The following GABRR3 variants were observed in gnomAD, a reference collection of about 807,000 sequenced individuals.
The protein encoded by GABRR3 is gamma-aminobutyric acid type A receptor subunit rho3.
GABRR3 carries 29 observed loss-of-function variants against 43.2 expected under a neutral mutation model. That is an observed-to-expected ratio of 0.67 (90% CI 0.50 to 0.92). The LOEUF (loss-of-function observed/expected upper bound fraction) is 0.92, where lower values mean the gene tolerates loss of function less well. Among genes scored for constraint, GABRR3 ranks in the 40% least tolerant of loss-of-function variants. The pLI is 0.00. For synonymous variants in GABRR3, 206 were observed against 195.9 expected (o/e 1.05, Z -0.43); for missense variants, 576 against 572.3 (o/e 1.01, Z -0.07).
At chr3:98,013,317 C>T (rs1706831707) in intron 4 of GABRR3, among the ~76,000 whole-genome samples, 1 of 152,124 alleles carries the variant, frequency 6.6e-6, no homozygotes, top group Non-Finnish European at 1.5e-5. Context: ...GAGGAAAAAA[C>T]TGTACTAGCA....
At chr3:98,019,070 C>A (rs9289505) in intron 3 of GABRR3, among the ~76,000 whole-genome samples, 117,051 of 151,152 alleles carry the variant, frequency 0.77, 45,734 homozygotes, top group East Asian at 0.99. Flanking sequence ...AGATGGCGCC[C>A]CTGCACTCCA....
chr3:98,021,383 T>C (rs1461203680), intron 3 of GABRR3, among the ~76,000 whole-genome samples: 3 of 152,194 alleles, frequency 2.0e-5, no homozygotes, highest in East Asian at 3.8e-4. Flanking sequence ...CAATAAAGCA[T>C]ATGGATTCAA....
chr3:98,007,002 GC>G (rs1316172456), intron 7 of GABRR3, among the ~76,000 whole-genome samples: 1 of 152,120 alleles, frequency 6.6e-6, no homozygotes, highest in Non-Finnish European at 1.5e-5. Flanking sequence ...TCTGTCACGT[GC>G]CAAGAACATT....
intron 7 of GABRR3, among the ~76,000 whole-genome samples, chr3:98,003,720 C>T (rs1056310128): frequency 6.6e-6 from 1 of 152,102 alleles, no homozygotes; most frequent in Non-Finnish European, 1.5e-5. Context: ...CTTTTTGGCA[C>T]CTGTGAAAAG....
intron 3 of GABRR3, among the ~76,000 whole-genome samples, chr3:98,019,429 G>C (rs971967769): frequency 6.6e-6 from 1 of 152,006 alleles, no homozygotes; most frequent in Admixed American, 6.6e-5. Context: ...CATGCCCTCG[G>C]TATCATTTTT....
At chr3:97,989,026 T>C (rs1394767392) in intron 9 of GABRR3, among the ~76,000 whole-genome samples, 4 of 137,056 alleles carry the variant, frequency 2.9e-5, no homozygotes, top group Admixed American at 7.2e-5. Flanking sequence ...GGTGCGGGTA[T>C]ATGGTAGTGG....
At chr3:98,035,266 G>A (rs1707137712) in exon 1 of GABRR3, 13 of 380,642 alleles carry the variant, frequency 3.4e-5, no homozygotes, top group South Asian at 3.4e-4. Context: ...CCCTTTTTCC[G>A]GGGAAGGTTT....
At chr3:98,029,746 T>C (rs1210228848) in intron 2 of GABRR3, among the ~76,000 whole-genome samples, 3 of 152,126 alleles carry the variant, frequency 2.0e-5, no homozygotes, top group Non-Finnish European at 4.4e-5. Flanking sequence ...GTGATACCAA[T>C]TGAAGCCATA....
downstream of GABRR3, chr3:97,986,680 C>T: frequency 1.3e-6 from 2 of 1,498,146 alleles, no homozygotes; most frequent in Non-Finnish European, 1.8e-6. Context: ...TTGAAATTCC[C>T]CTTCATACAT....
At chr3:98,014,456 A>G (rs1305711055) in intron 4 of GABRR3, among the ~76,000 whole-genome samples, 3 of 152,216 alleles carry the variant, frequency 2.0e-5, no homozygotes, top group Non-Finnish European at 4.4e-5. Context: ...AGGCTTGGGG[A>G]AGTATCAGTA....
rs542263151 is a variant in GABRR3, at chr3:98,021,179, G to T, written c.239-3457C>A. Among the ~76,000 whole-genome samples, 80 of 152,046 alleles carry T rather than the reference G, an allele frequency of 5.3e-4. 1 individual carries two copies. Among genetic ancestry groups the T allele is most frequent in the Non-Finnish European group, 9.7e-4 (66 of 67,946 alleles). On this transcript the variant is annotated intron_variant, in intron 3 of 9. Coordinates refer to ENST00000621172, the Ensembl canonical transcript of GABRR3. ...TGCACCAGGCCGTCATTTCTGCCTG[G>T]TTTGAGCTCCATGTCCCACTGCACC...
At chr3:97,999,766 A>C (rs1273544118) in intron 8 of GABRR3, 1 of 152,146 alleles carries the variant, frequency 6.6e-6, no homozygotes, top group African/African-American at 2.4e-5. Context: ...TTTAATTCTC[A>C]TAGTGACCTT....
intron 2 of GABRR3, among the ~76,000 whole-genome samples, chr3:98,032,912 A>G (rs1267263254): frequency 1.3e-5 from 2 of 152,174 alleles, no homozygotes; most frequent in African/African-American, 2.4e-5. Flanking sequence ...TTGGCTGATA[A>G]TCAGGTCGGG....
rs1706692507 is a variant in GABRR3, at chr3:98,004,155, T to C, written c.755-2388A>G. 4.6e-5 allele frequency among the ~76,000 whole-genome samples: 7 copies of C among 152,276 alleles called. 1 individual carries two copies. In the South Asian group the frequency reaches 1.2e-3, roughly 27 times the overall value. ...TATACCTAGAGACAGTCACCTTCAA[T>C]GGCCCTTTGAAAGTAGGCCTTAATA... On this transcript the variant is annotated intron_variant, in intron 7 of 9. Coordinates refer to ENST00000621172, the Ensembl canonical transcript of GABRR3.
chr3:98,001,317 G>A, intron 8 of GABRR3: 1 of 320,730 alleles, frequency 3.1e-6, no homozygotes, highest in South Asian at 6.5e-5. Context: ...AAAGAAAAGA[G>A]ATAAGCTTTA....
At chr3:97,990,263 G>C (rs907938737) in intron 9 of GABRR3, among the ~76,000 whole-genome samples, 1 of 152,150 alleles carries the variant, frequency 6.6e-6, no homozygotes, top group Non-Finnish European at 1.5e-5. Flanking sequence ...TGACACCACT[G>C]TGGAAACACA....
At chr3:98,013,473 T>C (rs922587557) in intron 4 of GABRR3, among the ~76,000 whole-genome samples, 1 of 152,236 alleles carries the variant, frequency 6.6e-6, no homozygotes, top group Non-Finnish European at 1.5e-5. Flanking sequence ...TCTTACTTCC[T>C]ACTATTTTGC....
At chr3:97,986,804 A>G (rs746377949) in exon 10 of GABRR3, 3 of 1,612,040 alleles carry the variant, frequency 1.9e-6, no homozygotes, top group African/African-American at 1.3e-5. Context: ...ATGTCCTCCT[A>G]GGGATTTTCT....
intron 8 of GABRR3, among the ~76,000 whole-genome samples, chr3:97,997,085 T>C (rs1304884116): frequency 1.3e-5 from 2 of 151,948 alleles, no homozygotes; most frequent in Non-Finnish European, 2.9e-5. Context: ...CTAATAGAGG[T>C]CAAAAGATAA....
Sources: allele counts gnomAD v4.1 joint callset (sites outside exome capture counted in the v4.1 genomes callset), GRCh38; gene constraint gnomAD v4.1.1; transcripts MANE v1.5; gene names NCBI Gene and HGNC (gene_info 2026-07-23, HGNC 2026-07-21).